The following PDE1C variants were observed in gnomAD, a reference collection of about 807,000 sequenced individuals.
PDE1C encodes the protein phosphodiesterase 1C.
In PDE1C, 62 loss-of-function variants were observed where a neutral mutation model predicts 93.1. The observed-to-expected ratio is 0.67, with a 90% CI of 0.54 to 0.82. PDE1C has a LOEUF of 0.82. PDE1C is among the 40% of genes least tolerant of loss of function. PDE1C has a pLI of 0.00. For synonymous variants in PDE1C, 325 were observed against 310.1 expected, an observed-to-expected ratio of 1.05 and a Z score of -0.50; for missense variants, 742 against 884.6, an observed-to-expected ratio of 0.84 and a Z score of 2.04.
intron 1 of PDE1C, among the ~76,000 whole-genome samples, chr7:32,055,921 T>C (rs552382089): frequency 6.6e-6 from 1 of 152,320 alleles, no homozygotes; most frequent in Admixed American, 6.5e-5. Flanking sequence ...GGTTTCACCA[T>C]GTTGGCCAGG....
At chr7:31,975,063 A>T (rs781655101) in intron 2 of PDE1C, among the ~76,000 whole-genome samples, 19 of 152,134 alleles carry the variant, frequency 1.2e-4, no homozygotes, top group Non-Finnish European at 2.1e-4. Flanking sequence ...CCTCTGATCC[A>T]CCACTCCACC....
intron 2 of PDE1C, among the ~76,000 whole-genome samples, chr7:31,919,198 A>G (rs1166828312): frequency 1.3e-5 from 2 of 152,204 alleles, no homozygotes; most frequent in African/African-American, 4.8e-5. Flanking sequence ...CTCGGACTAG[A>G]CAGTACAAGC....
At position 32,237,764 on chromosome 7, in the gene PDE1C, T is replaced by A. The variant is rs13222830; in HGVS notation, c.86-28225A>T. 2.0e-3 allele frequency among the ~76,000 whole-genome samples: 163 copies of A among 79,992 alleles called. 8 individuals are homozygous for A. The highest frequency in any genetic ancestry group is 0.02 in the Middle Eastern group (2 of 102). The allele number at this position is 79,992 out of a possible 152,430, so 52.5% of individuals were successfully genotyped here. A position where few individuals can be genotyped will look rare whatever the true frequency, so the allele number is the denominator to read the frequency against. ...TGTGTATATATATATATATATATAC[T>A]TTTTTTTTTTTTTTTTTTTTTTTTA... is the stretch of plus-strand genomic sequence containing the variant. On this transcript the variant is annotated intron_variant, in intron 1 of 18. Coordinates refer to the PDE1C transcript ENST00000396193.
chr7:31,771,121 C>T (rs1356065551), intron 17 of PDE1C, among the ~76,000 whole-genome samples: 1 of 152,128 alleles, frequency 6.6e-6, no homozygotes. Context: ...ATCCTAAATA[C>T]ATTTTAAAGT....
chr7:31,643,081 A>T, the PDE1C span: 3 of 1,614,010 alleles, frequency 1.9e-6, no homozygotes. Flanking sequence ...GTTTATGGTA[A>T]CCCACGTCAC....
chr7:32,166,371 C>T (rs1047802011), intron 3 of PDE1C, among the ~76,000 whole-genome samples: 2 of 152,190 alleles, frequency 1.3e-5, no homozygotes, highest in African/African-American at 4.8e-5. Context: ...CTTGGTACAA[C>T]TGAGCACTAA....
At chr7:31,652,088 C>A in the PDE1C span, 17 of 1,372,672 alleles carry the variant, frequency 1.2e-5, no homozygotes, top group Admixed American at 2.0e-5. Flanking sequence ...CTATATCCAG[C>A]CTACCACAGG....
the PDE1C span, among the ~76,000 whole-genome samples, chr7:31,691,853 T>G: frequency 6.7e-6 from 1 of 149,242 alleles, no homozygotes; most frequent in African/African-American, 2.5e-5. Flanking sequence ...AGAAGCCTTA[T>G]TCAATTCGGG....
At chr7:32,064,385 G>C (rs1045168111) in intron 1 of PDE1C, among the ~76,000 whole-genome samples, 1 of 152,124 alleles carries the variant, frequency 6.6e-6, no homozygotes, top group Non-Finnish European at 1.5e-5. Flanking sequence ...AGACATCTAA[G>C]CTGAAAGAAC....
At chr7:31,788,269 C>G (rs559035321) in intron 16 of PDE1C, 1 of 152,070 alleles carries the variant, frequency 6.6e-6, no homozygotes, top group African/African-American at 2.4e-5. Flanking sequence ...GTTCCAAGGT[C>G]AAAAATTGAC....
chr7:32,305,158 C>A (rs1585098680), intron 1 of PDE1C, among the ~76,000 whole-genome samples: 1 of 152,188 alleles, frequency 6.6e-6, no homozygotes, highest in African/African-American at 2.4e-5. Context: ...ATTCATAAGA[C>A]CCAGCCTCCA....
rs538197169 is a variant in PDE1C, at chr7:32,334,580, C to T, written c.310+93242G>A. 6.2e-4 allele frequency among the ~76,000 whole-genome samples: 76 copies of T among 121,606 alleles called. 1 individual carries two copies. Among genetic ancestry groups the T allele is most frequent in the African/African-American group, 2.2e-3 (71 of 32,576 alleles). The allele number at this position is 121,606 out of a possible 152,430, so 79.8% of individuals were successfully genotyped here. A position where few individuals can be genotyped will look rare whatever the true frequency, so the allele number is the denominator to read the frequency against. On this transcript the variant is annotated intron_variant, in intron 1 of 1. Transcript: ENST00000672256. ...CCTATTCATAGTCTTTTATCCTTTG[C>T]CCGCCCTCCCACCCTCCCCCCCCAT...
chr7:31,772,558 T>C (rs10261867), intron 17 of PDE1C, among the ~76,000 whole-genome samples: 46,495 of 149,876 alleles, frequency 0.31, 7,729 homozygotes, highest in African/African-American at 0.42. Context: ...CTGGCACCAG[T>C]TTTTTTAAAA....
intron 16 of PDE1C, among the ~76,000 whole-genome samples, chr7:31,801,256 C>T (rs1457832016): frequency 6.6e-6 from 1 of 151,150 alleles, no homozygotes; most frequent in African/African-American, 2.4e-5. Flanking sequence ...AAAACACAAA[C>T]TACGCATATA....
chr7:32,252,105 T>C (rs183345342), intron 1 of PDE1C, among the ~76,000 whole-genome samples: 10 of 152,348 alleles, frequency 6.6e-5, no homozygotes, highest in Non-Finnish European at 1.3e-4. Context: ...AATAATCTAA[T>C]TGTATATTAC....
At position 32,209,589 on chromosome 7, in the gene PDE1C, A is replaced by G. The variant is rs79930953; in HGVS notation, c.86-50T>C. On this transcript the variant is annotated intron_variant, in intron 1 of 18. Coordinates refer to the PDE1C transcript ENST00000396193. ...TTTAAATAAATAAAGCAATGTGTCC[A>G]CCAAATATGCCCCAATACAGCCAAT... 922 of 1,446,688 alleles carry G rather than the reference A, an allele frequency of 6.4e-4. 6 individuals carry two copies. The African/African-American group carries it at 0.012, about 19-fold the overall frequency. 89.6% of individuals were successfully genotyped at this position (1,446,688 alleles called of 1,614,324 possible).
intron 2 of PDE1C, among the ~76,000 whole-genome samples, chr7:32,204,580 T>C (rs1425303830): frequency 2.6e-5 from 4 of 152,224 alleles, no homozygotes; most frequent in African/African-American, 9.6e-5. Context: ...CACCAAAATC[T>C]GGGCTTTTTC....
intron 1 of PDE1C, among the ~76,000 whole-genome samples, chr7:32,417,334 T>A (rs1223288732): frequency 3.3e-5 from 5 of 151,892 alleles, no homozygotes; most frequent in Non-Finnish European, 5.9e-5. Flanking sequence ...AAGGAAGCCC[T>A]ACTAAAAACA....
chr7:32,313,064 A>T (rs1017794642), intron 1 of PDE1C, among the ~76,000 whole-genome samples: 2 of 151,998 alleles, frequency 1.3e-5, no homozygotes, highest in Non-Finnish European at 2.9e-5. Flanking sequence ...CAAGAAAAAA[A>T]CAAACAACCC....
Sources: allele counts gnomAD v4.1 joint callset (sites outside exome capture counted in the v4.1 genomes callset), GRCh38; gene constraint gnomAD v4.1.1; transcripts MANE v1.5; gene names NCBI Gene and HGNC (gene_info 2026-07-23, HGNC 2026-07-21).